The following TTLL3 variants were observed in gnomAD, a reference collection of about 807,000 sequenced individuals.
The protein encoded by TTLL3 is tubulin tyrosine ligase like 3.
In TTLL3, 63 loss-of-function variants were observed where a neutral mutation model predicts 75.2. The ratio of observed to expected loss-of-function variants is 0.84; its 90% CI spans 0.68 to 1.03. The LOEUF (loss-of-function observed/expected upper bound fraction) is 1.03, where lower values mean the gene tolerates loss of function less well. Among genes scored for constraint, TTLL3 ranks in the 50% least tolerant of loss-of-function variants. TTLL3 has a pLI of 0.00. For synonymous variants in TTLL3, 393 were observed against 418.5 expected (o/e 0.94, Z 0.74); for missense variants, 997 against 1,069.9 (o/e 0.93, Z 0.95).
At position 9,828,965 on chromosome 3, in the gene TTLL3, T is replaced by G; in HGVS notation, c.1253T>G (p.Val418Gly). Residue 418 changes from valine (V) to glycine (G), a missense_variant, in exon 11 of 14, where the codon GTG becomes GGG. Transcript: ENST00000685419. ...PFSLKNLDNS[V>G]HLCNNSIQKH... ...TTTTCTGTTCTCTGCCCCAGCTCAG[T>G]GCACCTGTGCAACAACTCCATCCAG... is the stretch of plus-strand genomic sequence containing the variant. 6.2e-7 allele frequency: 1 copy of G among 1,614,192 alleles called. No homozygotes were observed. The highest frequency in any genetic ancestry group is 8.5e-7 in the Non-Finnish European group (1 of 1,180,020).
intron 5 of TTLL3, among the ~76,000 whole-genome samples, chr3:9,817,036 C>A (rs1197712820): frequency 6.6e-6 from 1 of 152,122 alleles, no homozygotes; most frequent in South Asian, 2.1e-4. Flanking sequence ...GAACTCCTGG[C>A]CTCTGGCCTC....
chr3:9,817,730 G>A lies in TTLL3; in HGVS notation c.530G>A (p.Gly177Glu). The stretch of plus-strand genomic sequence containing the variant: ...TTCTTCCCACGCTGCTACTGCCTGG[G>A]GGCTGAGGATGACAAAAAAGCCTTC... Reference protein sequence around the residue: ...NSFFPRCYCLGAEDDKKAFIE... With the variant: ...NSFFPRCYCLEAEDDKKAFIE... The change falls in exon 6 of 14, where the codon GGG (glycine) becomes GAG (glutamate). Residue 177 changes from glycine (G) to glutamate (E), a missense_variant. Physicochemically the swap from Gly to Glu is moderately conservative, Grantham distance 98. Coordinates refer to ENST00000685419, the MANE Select transcript of TTLL3 (RefSeq NM_001387446.1). The A allele has an allele frequency of 6.2e-7, 1 of 1,614,130 alleles. No homozygotes were observed. Among genetic ancestry groups the A allele is most frequent in the South Asian group, 1.1e-5 (1 of 91,080 alleles).
Position 9,835,514 on chromosome 3 carries a change from G to A in TTLL3, c.*25G>A. 1 of 1,544,206 alleles carries A rather than the reference G, an allele frequency of 6.5e-7. No homozygotes were observed. Among genetic ancestry groups the A allele is most frequent in the South Asian group, 1.3e-5 (1 of 79,134 alleles). ...AGGCCATCAGCAGCTCCTCCGTGCA[G>A]CGAGGCCCAGAATTCCCACCTAAGG... On this transcript the variant is annotated 3_prime_UTR_variant, in exon 14 of 14. Coordinates refer to ENST00000685419, the MANE Select transcript of TTLL3 (RefSeq NM_001387446.1).
chr3:9,826,901 C>T, intron 9 of TTLL3, 96 bp from the exon 10 acceptor site: 1 of 1,573,864 alleles, frequency 6.4e-7, no homozygotes, highest in African/African-American at 1.3e-5. Context: ...CCACTCAGCC[C>T]TATCAGCTCC....
intron 10 of TTLL3, 145 bp downstream of exon 10, chr3:9,827,385 C>A: frequency 1.4e-6 from 2 of 1,413,204 alleles, no homozygotes; most frequent in Non-Finnish European, 9.3e-7. Flanking sequence ...ATCCTGCCAG[C>A]TGTCCTTGCA....
At chr3:9,817,099 C>T (rs2079945108) in intron 5 of TTLL3, among the ~76,000 whole-genome samples, 1 of 152,152 alleles carries the variant, frequency 6.6e-6, no homozygotes, top group Non-Finnish European at 1.5e-5. Context: ...AGGTGTGAGC[C>T]ACCGCGCTCG....
chr3:9,814,876 G>A (rs1007790551), intron 4 of TTLL3, among the ~76,000 whole-genome samples: 6 of 152,064 alleles, frequency 3.9e-5, no homozygotes, highest in Non-Finnish European at 4.4e-5. Flanking sequence ...TGGAGGACAT[G>A]CACGTTGAGG....
intron 6 of TTLL3, 188 bp downstream of exon 6, chr3:9,817,947 T>C: frequency 1.3e-6 from 1 of 743,162 alleles, no homozygotes; most frequent in Non-Finnish European, 2.1e-6. Flanking sequence ...CTTAGCTTGG[T>C]CAACTCTGAC....
At chr3:9,823,589 G>C (rs913398506) in intron 8 of TTLL3, among the ~76,000 whole-genome samples, 1 of 151,938 alleles carries the variant, frequency 6.6e-6, no homozygotes, top group African/African-American at 2.4e-5. Context: ...CCACATCACA[G>C]ATTACTGAAA....
At chr3:9,820,383 A>G in intron 7 of TTLL3, 163 bp from the exon 8 acceptor site, 2 of 1,495,356 alleles carry the variant, frequency 1.3e-6, no homozygotes, top group Non-Finnish European at 1.8e-6. Context: ...GTGAATTTAG[A>G]GCAAAGCCTC....
In TTLL3 at chr3:9,813,332, C is replaced by T. The variant is rs756669275; in HGVS notation, c.302C>T (p.Thr101Ile). 3.7e-6 allele frequency: 6 copies of T among 1,614,178 alleles called. No individual in the cohort carries two copies. The highest frequency in any genetic ancestry group is 3.3e-5 in the Admixed American group (2 of 60,026). Residue 101 changes from threonine to isoleucine, a missense_variant, in exon 4 of 14, where the codon ACA (threonine) becomes ATA (isoleucine). Coordinates refer to ENST00000685419, the MANE Select transcript of TTLL3 (RefSeq NM_001387446.1). ...DLLKFDDLDG[T>I]HALMSRMVQN... ...CTGAAATTTGATGACCTAGATGGAA[C>T]ACATGCTCTGATGGTGAGGGCCCTG... is the stretch of plus-strand genomic sequence containing the variant.
In TTLL3 at chr3:9,829,067, C is replaced by A. The variant is rs1343523264; in HGVS notation, c.1355C>A (p.Ala452Asp). 1 of 1,614,134 alleles carries A rather than the reference C, an allele frequency of 6.2e-7. No individual in the cohort carries two copies. Among genetic ancestry groups the A allele is most frequent in the East Asian group, 2.2e-5 (1 of 44,904 alleles). ...ATGTGGTCTAGCCAGAGGTTCCAGG[C>A]CCACCTGCAGGAGATGGGTGCCCCA... ...DNMWSSQRFQ[A>D]HLQEMGAPNA... Residue 452 changes from alanine to aspartate, a missense_variant, in exon 11 of 14, where the codon GCC becomes GAC. By Grantham distance (126) the Ala-to-Asp change is moderately radical. Coordinates refer to ENST00000685419, the MANE Select transcript of TTLL3 (RefSeq NM_001387446.1).
chr3:9,810,063 C>G (rs764378877), upstream of TTLL3: 108 of 1,360,204 alleles, frequency 7.9e-5, no homozygotes, highest in Middle Eastern at 5.1e-3. This position sits in a 1 kb window ranked among gnomAD's most constrained non-coding sequence, Gnocchi z 4.4. Context: ...GGCCCGGGCG[C>G]CGGGGCTCGG....
At position 9,810,265 on chromosome 3, in the gene TTLL3, C is replaced by G; in HGVS notation, c.-171C>G. ...AGGCGGCAGATGCCAGGCGGGCAGCCCCGCCCCTGCGCGCCGCCTCAGCGG... is the reference window on the plus strand; with the variant it reads ...AGGCGGCAGATGCCAGGCGGGCAGCGCCGCCCCTGCGCGCCGCCTCAGCGG... On this transcript the variant is annotated 5_prime_UTR_variant, in exon 1 of 14. Transcript: ENST00000685419. The surrounding 1 kb of genome is among the most constrained non-coding windows in gnomAD (Gnocchi z 4.4). The G allele has an allele frequency of 6.6e-7, 1 of 1,507,470 alleles. No individual in the cohort carries two copies. Among genetic ancestry groups the G allele is most frequent in the Non-Finnish European group, 8.8e-7 (1 of 1,136,826 alleles). 93.4% of individuals were successfully genotyped at this position (1,507,470 alleles called of 1,614,324 possible). A position where few individuals can be genotyped will look rare whatever the true frequency, so the allele number is the denominator to read the frequency against.
chr3:9,813,203 G>T, intron 3 of TTLL3, 45 bp from the exon 4 acceptor site: 2 of 1,614,014 alleles, frequency 1.2e-6, no homozygotes, highest in Non-Finnish European at 1.7e-6. Flanking sequence ...ATGGGCTATG[G>T]GTCAGGGAGA....
chr3:9,824,744 T>C (rs1409132314), intron 8 of TTLL3, among the ~76,000 whole-genome samples: 4 of 139,012 alleles, frequency 2.9e-5, no homozygotes, highest in African/African-American at 8.0e-5. Flanking sequence ...TTTCTTTTTT[T>C]TTTTTTTTTT....
upstream of TTLL3, chr3:9,810,220 C>T (rs562890198): frequency 5.9e-5 from 88 of 1,495,290 alleles, no homozygotes; most frequent in Non-Finnish European, 7.2e-5. This position sits in a 1 kb window ranked among gnomAD's most constrained non-coding sequence, Gnocchi z 4.4. Context: ...TGCCTCCGCC[C>T]AGTCCGAGGA....
chr3:9,827,092 A>T lies in TTLL3; in HGVS notation c.1099A>T (p.Ile367Phe), dbSNP rs763360389. ...KDGKWVVQKY[I>F]ERPLLIFGTK... Reference sequence around the variant, plus strand: ...CGGCAAGTGGGTGGTGCAGAAGTATATTGAGCGGCCCCTCCTCATCTTTGG... The same window carrying T: ...CGGCAAGTGGGTGGTGCAGAAGTATTTTGAGCGGCCCCTCCTCATCTTTGG... Residue 367 changes from isoleucine to phenylalanine, a missense_variant, in exon 10 of 14, where the codon ATT becomes TTT. By Grantham distance (21) the Ile-to-Phe change is conservative. Coordinates refer to ENST00000685419, the MANE Select transcript of TTLL3 (RefSeq NM_001387446.1). 1.2e-6 allele frequency: 2 copies of T among 1,614,222 alleles called. No individual in the cohort carries two copies. Among genetic ancestry groups the T allele is most frequent in the Admixed American group, 3.3e-5 (2 of 60,016 alleles).
intron 7 of TTLL3, 75 bp downstream of exon 7, chr3:9,818,995 C>T: frequency 6.3e-7 from 1 of 1,591,548 alleles, no homozygotes; most frequent in African/African-American, 1.3e-5. Flanking sequence ...ATCTGCCCTT[C>T]TACCTATCTA....
Sources: allele counts gnomAD v4.1 joint callset (sites outside exome capture counted in the v4.1 genomes callset), GRCh38; gene constraint gnomAD v4.1.1; non-coding constraint Gnocchi (gnomAD v3.1); transcripts MANE v1.5; gene names NCBI Gene and HGNC (gene_info 2026-07-23, HGNC 2026-07-21).